Variants in KNL1 observed in about 807,000 individuals in gnomAD.
The protein encoded by KNL1 is kinetochore scaffold 1, also known as outer kinetochore KNL1 complex subunit KNL1.
A neutral mutation model predicts 201.3 loss-of-function variants in KNL1; 66 were observed. The ratio of observed to expected loss-of-function variants is 0.33; its 90% CI spans 0.27 to 0.40. The LOEUF is 0.40. Ranked by LOEUF, KNL1 falls within the 10% of genes least tolerant of loss-of-function variation. The probability of loss-of-function intolerance (pLI) is 1.00; values close to 1 mark genes in which losing one functional copy is unlikely to be tolerated. For synonymous variants in KNL1, 895 were observed against 899.2 expected (o/e 1.00, Z 0.08); for missense variants, 2,815 against 2,690.5 (o/e 1.05, Z -1.02).
At chr15:40,594,594 C>T (rs935888455) in intron 1 of KNL1, among the ~76,000 whole-genome samples, 9 of 152,188 alleles carry the variant, frequency 5.9e-5, no homozygotes, top group African/African-American at 2.2e-4. Context: ...GTTGTGCCGC[C>T]TCCCGCTTCC....
intron 10 of KNL1, 43 bp downstream of exon 10, chr15:40,625,683 T>G: frequency 6.7e-7 from 1 of 1,489,158 alleles, no homozygotes; most frequent in Non-Finnish European, 9.2e-7. Context: ...GAATTTTGGG[T>G]TTTGTTTTGT....
chr15:40,610,045 AAAAT>A (rs1892103385), intron 5 of KNL1, among the ~76,000 whole-genome samples, 196 bp from the exon 6 acceptor site: 1 of 152,194 alleles, frequency 6.6e-6, no homozygotes, highest in South Asian at 2.1e-4. Flanking sequence ...TTTAAAATCA[AAAAT>A]AAAAACAAAA....
intron 17 of KNL1, 60 bp downstream of exon 17, chr15:40,647,134 C>T: frequency 1.2e-6 from 1 of 827,886 alleles, no homozygotes; most frequent in Non-Finnish European, 2.1e-6. Context: ...TGCTCTCCTA[C>T]AGTAGAGAAT....
In KNL1 at chr15:40,622,902, A is replaced by G; in HGVS notation, c.2638A>G (p.Ile880Val). ...NDMDITKSYT[I>V]EINHRPLLEK... ...TATGGATATCACTAAGAGTTATACA[A>G]TAGAAATAAACCATAGACCTTTATT... is the stretch of plus-strand genomic sequence containing the variant. Residue 880 changes from isoleucine to valine, a missense_variant, in exon 10 of 26, where the codon ATA becomes GTA. Ile to Val is a conservative substitution (Grantham distance 29, BLOSUM62 3). Transcript: ENST00000399668. 4 of 1,612,584 alleles carry G rather than the reference A, an allele frequency of 2.5e-6. No homozygotes were observed. Among genetic ancestry groups the G allele is most frequent in the South Asian group, 1.1e-5 (1 of 90,976 alleles).
chr15:40,653,118 A>G (rs761599578), intron 21 of KNL1, among the ~76,000 whole-genome samples: 50 of 152,020 alleles, frequency 3.3e-4, no homozygotes, highest in Admixed American at 2.6e-3. Flanking sequence ...GAATCACTCT[A>G]TACCTCTTTC....
intron 1 of KNL1, among the ~76,000 whole-genome samples, chr15:40,599,571 G>C (rs115589001): frequency 6.6e-6 from 1 of 151,432 alleles, no homozygotes; most frequent in Non-Finnish European, 1.5e-5. Context: ...TTTCGTAGAG[G>C]TGGGGTTTTG....
At chr15:40,651,329 G>T in intron 19 of KNL1, 142 bp from the exon 20 acceptor site, 3 of 321,778 alleles carry the variant, frequency 9.3e-6, no homozygotes, top group Non-Finnish European at 1.7e-5. Flanking sequence ...TAAGAATGCA[G>T]AAATGGATGC....
chr15:40,658,613 T>TG lies in KNL1; in HGVS notation c.6714-724dup, dbSNP rs1458870249. Among the ~76,000 whole-genome samples, 4 of 148,182 alleles carry TG rather than the reference T, an allele frequency of 2.7e-5. No homozygotes were observed. In the East Asian group the frequency reaches 7.9e-4, roughly 29 times the overall value. On this transcript the variant is annotated intron_variant, in intron 24 of 25. Transcript: ENST00000399668. Reference sequence around the variant, plus strand: ...GAAAAGAAATAATATATACCTAAGTTGGACATGCCAGTGTGAAAAGAAAAT... The same window carrying TG: ...GAAAAGAAATAATATATACCTAAGTTGGGACATGCCAGTGTGAAAAGAAAAT...
rs759382581 is a variant in KNL1, at chr15:40,625,042, C to T, written c.4778C>T (p.Ala1593Val). The change falls in exon 10 of 26, where the codon GCA becomes GTA. Residue 1593 changes from alanine (A) to valine (V), a missense_variant. Transcript: ENST00000399668. ...PEQLLELGNKAHNDMHIVQAT... is the reference protein window; with the variant it reads ...PEQLLELGNKVHNDMHIVQAT... ...CAATTACTTGAATTAGGAAATAAGG[C>T]ACACAATGATATGCATATAGTGCAA... 2 of 1,613,796 alleles carry T rather than the reference C, an allele frequency of 1.2e-6. No individual in the cohort carries two copies. Among genetic ancestry groups the T allele is most frequent in the East Asian group, 4.5e-5 (2 of 44,860 alleles).
chr15:40,656,459 A>G (rs947515492), intron 22 of KNL1, among the ~76,000 whole-genome samples: 3 of 152,196 alleles, frequency 2.0e-5, no homozygotes, highest in Non-Finnish European at 4.4e-5. Flanking sequence ...TCCAGGATTT[A>G]AACTCAGGTC....
At chr15:40,655,015 G>A (rs764216141) in intron 22 of KNL1, 38 bp downstream of exon 22, 1 of 1,518,232 alleles carries the variant, frequency 6.6e-7, no homozygotes, top group Non-Finnish European at 9.1e-7. Context: ...AAATTTGTTG[G>A]GGCTGGGCAC....
At position 40,624,149 on chromosome 15, in the gene KNL1, T is replaced by C. The variant is rs1892653252; in HGVS notation, c.3885T>C (p.Val1295=). 1 of 1,614,040 alleles carries C rather than the reference T, an allele frequency of 6.2e-7. No homozygotes were observed. Among genetic ancestry groups the C allele is most frequent in the Non-Finnish European group, 8.5e-7 (1 of 1,179,944 alleles). Residue 1295 remains valine (V), a synonymous_variant, in exon 10 of 26, where the codon GTT becomes GTC. Transcript: ENST00000399668. ...TTACAAGTAGTCATGCAACTGCTGT[T>C]TGTGGATCCAGTGATAATTATTCCT... ...VDFTSSHATA[V]CGSSDNYSCL...
chr15:40,610,249 T>C lies in KNL1; in HGVS notation c.202T>C (p.Phe68Leu). The C allele has an allele frequency of 6.8e-7, 1 of 1,478,372 alleles. No individual in the cohort carries two copies. Among genetic ancestry groups the C allele is most frequent in the Middle Eastern group, 1.7e-4 (1 of 5,760 alleles). The allele number at this position is 1,478,372 out of a possible 1,614,324, so 91.6% of individuals were successfully genotyped here. A position where few individuals can be genotyped will look rare whatever the true frequency, so the allele number is the denominator to read the frequency against. The change falls in exon 6 of 26, where the codon TTC (phenylalanine) becomes CTC (leucine). Residue 68 changes from phenylalanine to leucine, a missense_variant. Physicochemically the swap from Phe to Leu is conservative, Grantham distance 22. Around this residue, in one of 3 missense-constraint regions of KNL1, gnomAD observed 2,464 missense variants for 2,291.7 expected, o/e 1.08. Transcript: ENST00000399668. ...RVSFADTIKV[F>L]QTESHMKIVR... The stretch of plus-strand genomic sequence containing the variant: ...AATCTTTATTTTCTCTTCTAGGGTA[T>C]TCCAGACGGAGTCTCATATGAAAAT...
In KNL1 at chr15:40,622,869, A is replaced by G. The variant is rs750623758; in HGVS notation, c.2605A>G (p.Lys869Glu). The change falls in exon 10 of 26, where the codon AAG (lysine) becomes GAG (glutamate). Residue 869 changes from lysine to glutamate, a missense_variant. Around this residue, in one of 3 missense-constraint regions of KNL1, gnomAD observed 2,464 missense variants for 2,291.7 expected, o/e 1.08. Transcript: ENST00000399668. ...DKTIVFSEDD[K>E]NDMDITKSYT... is the part of the protein sequence containing the mutation. ...GACTATTGTATTTTCAGAAGACGAT[A>G]AGAATGATATGGATATCACTAAGAG... is the stretch of plus-strand genomic sequence containing the variant. 7 of 1,613,044 alleles carry G rather than the reference A, an allele frequency of 4.3e-6. No homozygotes were observed. The African/African-American group carries it at 9.3e-5, about 22-fold the overall frequency.
rs1197851467 is a variant in KNL1 at position 40,650,576 on chromosome 15, C to T, written c.6205C>T (p.Leu2069Phe). The T allele has an allele frequency of 5.8e-6, 9 of 1,557,836 alleles. No homozygotes were observed. Among genetic ancestry groups the T allele is most frequent in the Non-Finnish European group, 7.8e-6 (9 of 1,159,502 alleles). Residue 2069 changes from leucine to phenylalanine, a missense_variant, in exon 19 of 26, where the codon CTT becomes TTT. Around this residue, in one of 3 missense-constraint regions of KNL1, gnomAD observed 334 missense variants for 362.6 expected, o/e 0.92. Coordinates refer to ENST00000399668, the MANE Select transcript of KNL1 (RefSeq NM_144508.5). ...ACAGCTGAAAACTGAAGAAGAGGAG[C>T]TTCAAAGGTCAGCCTTCAATCCAAG... The part of the protein sequence containing the change: ...LEQLKTEEEE[L>F]QRNLLELEVQ...
intron 3 of KNL1, 90 bp downstream of exon 3, chr15:40,605,239 C>G: frequency 2.8e-6 from 2 of 713,710 alleles, no homozygotes; most frequent in Admixed American, 2.1e-5. Flanking sequence ...CTTCACCATC[C>G]TACCCTTACT....
chr15:40,597,683 G>A (rs1386618690), intron 1 of KNL1, among the ~76,000 whole-genome samples: 1 of 152,074 alleles, frequency 6.6e-6, no homozygotes, highest in Non-Finnish European at 1.5e-5. Context: ...TGTTGAAAGT[G>A]GAACTTAACA....
rs1441620787 is a variant in KNL1 at position 40,621,845 on chromosome 15, A to G, written c.1581A>G (p.Ser527=). Residue 527 remains serine (S), a synonymous_variant, in exon 10 of 26, where the codon TCA becomes TCG. Transcript: ENST00000399668. Reference sequence around the variant, plus strand: ...TGCTCCAAAATCTTATGACCACATCAGAAGATGGGAAAATGAATGTAAATT... The same window carrying G: ...TGCTCCAAAATCTTATGACCACATCGGAAGATGGGAAAATGAATGTAAATT... ...EMMLQNLMTT[S]EDGKMNVNCN... is the part of the protein sequence containing the mutation. The G allele has an allele frequency of 6.2e-7, 1 of 1,614,110 alleles. No homozygotes were observed. Among genetic ancestry groups the G allele is most frequent in the East Asian group, 2.2e-5 (1 of 44,882 alleles).
chr15:40,620,897 T>G lies in KNL1; in HGVS notation c.633T>G (p.Asn211Lys). The change falls in exon 10 of 26, where the codon AAT becomes AAG. Residue 211 changes from asparagine to lysine, a missense_variant. By Grantham distance (94) the Asn-to-Lys change is moderately conservative (BLOSUM62 0). Transcript: ENST00000399668. The part of the protein sequence containing the change: ...FSVDQNTSSE[N>K]KIDFNDFIKR... ...TGGATCAAAACACTTCTTCAGAAAA[T>G]AAAATAGATTTCAATGACTTCATAA... 1 of 1,597,936 alleles carries G rather than the reference T, an allele frequency of 6.3e-7. No individual in the cohort carries two copies. Among genetic ancestry groups the G allele is most frequent in the Non-Finnish European group, 8.5e-7 (1 of 1,175,072 alleles).
Sources: allele counts gnomAD v4.1 joint callset (sites outside exome capture counted in the v4.1 genomes callset), GRCh38; gene constraint gnomAD v4.1.1; regional missense constraint gnomAD v4.1.1; transcripts MANE v1.5; gene names NCBI Gene and HGNC (gene_info 2026-07-23, HGNC 2026-07-21).